Variants in DTX1 observed in about 807,000 individuals in gnomAD.
The protein encoded by DTX1 is E3 ubiquitin-protein ligase DTX1.
DTX1 carries 26 observed loss-of-function variants against 57.8 expected under a neutral mutation model. The observed-to-expected ratio is 0.45, with a 90% CI of 0.33 to 0.62. The LOEUF (loss-of-function observed/expected upper bound fraction) is 0.62, where lower values mean the gene tolerates loss of function less well. Among genes scored for constraint, DTX1 ranks in the 20% least tolerant of loss-of-function variants. The pLI is 0.02. For missense variants in DTX1, 704 were observed against 895.3 expected (o/e 0.79, Z 2.73); for synonymous variants, 398 against 394.1 (o/e 1.01, Z -0.12).
In DTX1 at chr12:113,093,291, G is replaced by A; in HGVS notation, c.1003+68G>A. ...AGGAGGCAGCTCCGCCTGTCACCCG[G>A]TGACCCCGCCCCCGAGATGGGCTGG... On this transcript the variant is annotated intron_variant, in intron 4 of 9. Transcript: ENST00000548759. The surrounding 1 kb of genome is among the most constrained non-coding windows in gnomAD (Gnocchi z 4.2). The A allele has an allele frequency of 2.0e-6, 3 of 1,514,540 alleles. No homozygotes were observed. The highest frequency in any genetic ancestry group is 2.7e-6 in the Non-Finnish European group (3 of 1,119,306). 93.8% of individuals were successfully genotyped at this position (1,514,540 alleles called of 1,614,324 possible).
intron 2 of DTX1, among the ~76,000 whole-genome samples, chr12:113,072,696 C>CTTTTTTTTTTTT (rs60642403): frequency 2.8e-5 from 2 of 71,148 alleles, no homozygotes; most frequent in African/African-American, 1.0e-4. Context: ...GAGAGATTTT[C>CTTTTTTTTTTTT]TTTTTTTTTT....
At position 113,095,091 on chromosome 12, in the gene DTX1, C is replaced by T. The variant is rs772847249; in HGVS notation, c.1436C>T (p.Thr479Met). The T allele has an allele frequency of 3.1e-6, 5 of 1,613,762 alleles. No homozygotes were observed. Among genetic ancestry groups the T allele is most frequent in the South Asian group, 1.1e-5 (1 of 91,070 alleles). The change falls in exon 8 of 10, where the codon ACG becomes ATG. Residue 479 changes from threonine to methionine, a missense_variant. Physicochemically the swap from Thr to Met is moderately conservative, Grantham distance 81. This residue lies in a region of DTX1 where 168 missense variants were observed against 255.6 expected (regional missense o/e 0.66). Transcript: ENST00000548759. The stretch of plus-strand genomic sequence containing the variant: ...TGCAAGGCCATCTACGGGGAGAAGA[C>T]GGGTACGCAGCCGCCTGGGAAGATG... ...PTCKAIYGEKTGTQPPGKMEF... is the reference protein window; with the variant it reads ...PTCKAIYGEKMGTQPPGKMEF...
At chr12:113,072,893 T>G (rs1378514958) in intron 2 of DTX1, among the ~76,000 whole-genome samples, 1 of 151,682 alleles carries the variant, frequency 6.6e-6, no homozygotes, top group Non-Finnish European at 1.5e-5. Context: ...TTAGTAGAGA[T>G]CGGGGGTTTC....
chr12:113,089,586 C>G (rs1332211826), intron 3 of DTX1, among the ~76,000 whole-genome samples: 2 of 152,182 alleles, frequency 1.3e-5, no homozygotes, highest in African/African-American at 4.8e-5. Context: ...AACAGCGTGT[C>G]CCACATCAAA....
intron 3 of DTX1, chr12:113,090,022 TGAGA>T (rs1950235694): frequency 6.6e-6 from 1 of 152,126 alleles, no homozygotes; most frequent in Admixed American, 6.5e-5. Flanking sequence ...CTGCTAAGCT[TGAGA>T]GAGTGCTGTG....
At chr12:113,076,599 C>CTAAA (rs1368102750) in intron 2 of DTX1, among the ~76,000 whole-genome samples, 2 of 151,758 alleles carry the variant, frequency 1.3e-5, no homozygotes, top group East Asian at 1.9e-4. Context: ...ACCCCTGTCT[C>CTAAA]TAAATAAATA....
At chr12:113,087,892 C>G (rs1004250642) in intron 3 of DTX1, among the ~76,000 whole-genome samples, 3 of 152,116 alleles carry the variant, frequency 2.0e-5, no homozygotes, top group Non-Finnish European at 2.9e-5. Flanking sequence ...GGTCAGTTGT[C>G]AGTGTTTCGG....
At chr12:113,091,086 A>G (rs1950243858) in intron 3 of DTX1, among the ~76,000 whole-genome samples, 1 of 152,136 alleles carries the variant, frequency 6.6e-6, no homozygotes, top group South Asian at 2.1e-4. Context: ...TTTGCTGCCC[A>G]CCTTACCCAG....
chr12:113,095,165 A>T lies in DTX1; in HGVS notation c.1510A>T (p.Thr504Ser), dbSNP rs1451018856. Residue 504 changes from threonine to serine, a missense_variant, in exon 8 of 10, where the codon ACC becomes TCC. By Grantham distance (58) the Thr-to-Ser change is moderately conservative (BLOSUM62 1). Transcript: ENST00000548759. ...HSLPGFPDTQ[T>S]IRIVYDIPTG... ...GCTGCCCGGCTTCCCTGATACCCAG[A>T]CCATCCGCATCGTCTATGACATCCC... 53 of 1,612,844 alleles carry T rather than the reference A, an allele frequency of 3.3e-5. No individual in the cohort carries two copies. The highest frequency in any genetic ancestry group is 4.4e-5 in the Non-Finnish European group (52 of 1,178,992).
chr12:113,095,548 A>G (rs757474243), intron 9 of DTX1, 134 bp downstream of exon 9: 7 of 1,100,054 alleles, frequency 6.4e-6, no homozygotes, highest in Non-Finnish European at 9.1e-6. Flanking sequence ...CCCGAACAGT[A>G]ACGACCACAG....
chr12:113,094,066 A>G lies in DTX1; in HGVS notation c.1194A>G (p.Arg398=). 1 of 1,572,312 alleles carries G rather than the reference A, an allele frequency of 6.4e-7. No individual in the cohort carries two copies. Among genetic ancestry groups the G allele is most frequent in the Non-Finnish European group, 8.6e-7 (1 of 1,157,632 alleles). The part of the protein sequence containing the change: ...KSKNPEDVVR[R]YMQKVKNPPD... ...AGAATCCCGAGGATGTGGTTCGAAGATACATGCAGAAGGTGAAAAACCCAC... is the reference window on the plus strand; with the variant it reads ...AGAATCCCGAGGATGTGGTTCGAAGGTACATGCAGAAGGTGAAAAACCCAC... The change falls in exon 6 of 10, where the codon AGA becomes AGG. Residue 398 remains arginine, a synonymous_variant. Coordinates refer to ENST00000548759, the MANE Select transcript of DTX1 (RefSeq NM_004416.3).
Position 113,094,112 on chromosome 12 carries a change from T to TG in DTX1, c.1227+20dup, listed in dbSNP as rs764071516. ...CCCACCTGATGAGGTGAGGAGGGGATGGGGGGGCTGGGGGAGGGCCCTGGC... is the reference window on the plus strand; with the variant it reads ...CCCACCTGATGAGGTGAGGAGGGGATGGGGGGGGCTGGGGGAGGGCCCTGGC... On this transcript the variant is annotated intron_variant, in intron 6 of 9. Coordinates refer to ENST00000548759, the MANE Select transcript of DTX1 (RefSeq NM_004416.3). 1.5e-4 allele frequency: 68 copies of TG among 454,574 alleles called. No individual in the cohort carries two copies. The highest frequency in any genetic ancestry group is 2.7e-4 in the Admixed American group (8 of 29,692). The allele number at this position is 454,574 out of a possible 1,614,324, so 28.2% of individuals were successfully genotyped here. A position where few individuals can be genotyped will look rare whatever the true frequency, so the allele number is the denominator to read the frequency against.
intron 9 of DTX1, 199 bp downstream of exon 9, chr12:113,095,613 G>T: frequency 3.1e-6 from 2 of 648,144 alleles, no homozygotes; most frequent in Non-Finnish European, 5.2e-6. Flanking sequence ...TCAAGATCCT[G>T]ACCCCATTTT....
In DTX1 at chr12:113,093,571, C is replaced by G. The variant is rs936040726; in HGVS notation, c.1036C>G (p.Leu346Val). 1 of 1,610,318 alleles carries G rather than the reference C, an allele frequency of 6.2e-7. No individual in the cohort carries two copies. The change falls in exon 5 of 10, where the codon CTG becomes GTG. Residue 346 changes from leucine (L) to valine (V), a missense_variant. By Grantham distance (32) the Leu-to-Val change is conservative (BLOSUM62 1). Transcript: ENST00000548759. This position sits in a 1 kb window ranked among gnomAD's most constrained non-coding sequence, Gnocchi z 4.2. ...MTGILLCAAG[L>V]PVCLTRAPKP... ...CGGGATACTGCTGTGCGCGGCCGGGCTGCCCGTGTGCCTGACGCGGGCCCC... is the reference window on the plus strand; with the variant it reads ...CGGGATACTGCTGTGCGCGGCCGGGGTGCCCGTGTGCCTGACGCGGGCCCC...
Position 113,093,046 on chromosome 12 carries a change from G to A in DTX1, c.942-116G>A, listed in dbSNP as rs569544687. On this transcript the variant is annotated intron_variant, in intron 3 of 9. Coordinates refer to ENST00000548759, the MANE Select transcript of DTX1 (RefSeq NM_004416.3). The surrounding 1 kb of genome is among the most constrained non-coding windows in gnomAD (Gnocchi z 4.2). ...TGGAGGTAACTGCAGTTGGCAGAGA[G>A]GTACAAAGAGGCCAGGGTGTGTGGC... The A allele has an allele frequency of 2.4e-4, 240 of 990,182 alleles. 5 individuals carry two copies. In the South Asian group the frequency reaches 3.5e-3, roughly 14 times the overall value. 61.3% of individuals were successfully genotyped at this position (990,182 alleles called of 1,614,324 possible). A position where few individuals can be genotyped will look rare whatever the true frequency, so the allele number is the denominator to read the frequency against.
intron 2 of DTX1, among the ~76,000 whole-genome samples, chr12:113,059,068 G>A (rs1241798916): frequency 6.6e-6 from 1 of 152,042 alleles, no homozygotes. Context: ...GATGGGGGGC[G>A]TTGGTGGTGT....
Position 113,095,283 on chromosome 12 carries a change from ACC to A in DTX1, c.1549-41_1549-40del, listed in dbSNP as rs1227494841. On this transcript the variant is annotated intron_variant, in intron 8 of 9. Transcript: ENST00000548759. ...CCAGATGCTTCTCCACCCTGCCACCACCTGTTCATGGTCTAAATCCCTGTACT... is the reference window on the plus strand; with the variant it reads ...CCAGATGCTTCTCCACCCTGCCACCATGTTCATGGTCTAAATCCCTGTACT... 1.9e-6 allele frequency: 3 copies of A among 1,611,726 alleles called. No homozygotes were observed. In the South Asian group the frequency reaches 3.3e-5, roughly 18 times the overall value.
At position 113,093,928 on chromosome 12, in the gene DTX1, C is replaced by G. The variant is rs1449971816; in HGVS notation, c.1166-110C>G. On this transcript the variant is annotated intron_variant, in intron 5 of 9. Transcript: ENST00000548759. The surrounding 1 kb of genome is among the most constrained non-coding windows in gnomAD (Gnocchi z 4.2). ...CAACCCTTGCCAGCCTGACCCCGGC[C>G]AACCCTTGCCAGCCTGACCCCTGCC... 7 of 1,496,320 alleles carry G rather than the reference C, an allele frequency of 4.7e-6. No individual in the cohort carries two copies. In the Admixed American group the frequency reaches 5.9e-5, roughly 13 times the overall value. 92.7% of individuals were successfully genotyped at this position (1,496,320 alleles called of 1,614,324 possible). A position where few individuals can be genotyped will look rare whatever the true frequency, so the allele number is the denominator to read the frequency against.
Position 113,074,091 on chromosome 12 carries a change from G to A in DTX1, c.260-3333G>A, listed in dbSNP as rs566812835. 1.2e-3 allele frequency among the ~76,000 whole-genome samples: 178 copies of A among 152,140 alleles called. 1 individual carries two copies. Among genetic ancestry groups the A allele is most frequent in the African/African-American group, 4.1e-3 (170 of 41,520 alleles). Reference sequence around the variant, plus strand: ...ACGAAAAATACAAAAAAAATCAGCTGGGTGACACATACCTGTAATGCCAGC... The same window carrying A: ...ACGAAAAATACAAAAAAAATCAGCTAGGTGACACATACCTGTAATGCCAGC... On this transcript the variant is annotated intron_variant, in intron 2 of 9. Transcript: ENST00000548759.
Sources: gnomAD v4.1 joint callset for allele counts (sites outside exome capture counted in the v4.1 genomes callset) on GRCh38, gnomAD v4.1.1 for gene constraint, gnomAD v4.1.1 regional missense constraint, Gnocchi (gnomAD v3.1) non-coding constraint, MANE v1.5 for transcripts, NCBI Gene and HGNC (gene_info 2026-07-23, HGNC 2026-07-21) for gene names.